Variants in ATXN8OS observed in about 807,000 individuals in gnomAD.
The protein encoded by ATXN8OS is ATXN8 opposite strand lncRNA.
intron 4 of ATXN8OS, among the ~76,000 whole-genome samples, chr13:70,166,360 G>A (rs533451644): frequency 2.4e-4 from 37 of 151,878 alleles, no homozygotes; most frequent in African/African-American, 7.7e-4. Flanking sequence ...GAAATAATCC[G>A]CATATCTACA....
chr13:70,157,150 A>T (rs1004870012), intron 4 of ATXN8OS, among the ~76,000 whole-genome samples: 1 of 152,158 alleles, frequency 6.6e-6, no homozygotes, highest in Non-Finnish European at 1.5e-5. Context: ...GCTCGTAACA[A>T]CATTATTTTA....
chr13:70,129,862 G>A, exon 3 of ATXN8OS: 1 of 398,430 alleles, frequency 2.5e-6, no homozygotes, highest in Non-Finnish European at 4.4e-6. Context: ...GAAGAGAATG[G>A]CTCAGAGTCA....
intron 2 of ATXN8OS, among the ~76,000 whole-genome samples, chr13:70,128,686 C>A (rs947596495): frequency 2.0e-5 from 3 of 152,008 alleles, no homozygotes; most frequent in Non-Finnish European, 4.4e-5. Context: ...TCCCATAATG[C>A]AAAATTTACT....
At chr13:70,130,378 G>T (rs988829558) in intron 3 of ATXN8OS, among the ~76,000 whole-genome samples, 1 of 152,080 alleles carries the variant, frequency 6.6e-6, no homozygotes, top group Non-Finnish European at 1.5e-5. Flanking sequence ...TTCACGTTTT[G>T]TAGAAATGAG....
At chr13:70,136,607 C>T (rs1483354492) in intron 3 of ATXN8OS, among the ~76,000 whole-genome samples, 1 of 151,890 alleles carries the variant, frequency 6.6e-6, no homozygotes, top group African/African-American at 2.4e-5. Flanking sequence ...TCATCAAGAC[C>T]GCTAGCAGGA....
intron 1 of ATXN8OS, among the ~76,000 whole-genome samples, chr13:70,113,489 T>C (rs1244640511): frequency 6.6e-6 from 1 of 152,146 alleles, no homozygotes; most frequent in East Asian, 1.9e-4. Context: ...AGTAATTTCA[T>C]TATTTTGTAT....
chr13:70,109,478 G>A (rs931396767), intron 1 of ATXN8OS, among the ~76,000 whole-genome samples: 6 of 152,250 alleles, frequency 3.9e-5, no homozygotes, highest in Middle Eastern at 3.4e-3. Flanking sequence ...TTACCCCCAA[G>A]GTTGAGCTGT....
At chr13:70,156,241 A>T (rs201058145) in intron 4 of ATXN8OS, among the ~76,000 whole-genome samples, 1 of 116,702 alleles carries the variant, frequency 8.6e-6, no homozygotes, top group East Asian at 2.4e-4. Context: ...ATGGGTGGGT[A>T]TGAGTGTGTG....
chr13:70,123,299 A>T (rs1888387491), intron 2 of ATXN8OS, among the ~76,000 whole-genome samples: 1 of 152,140 alleles, frequency 6.6e-6, no homozygotes, highest in Admixed American at 6.6e-5. Flanking sequence ...CTTTAATGGC[A>T]ATTTTAGATT....
intron 2 of ATXN8OS, among the ~76,000 whole-genome samples, chr13:70,129,202 G>C (rs1888490196): frequency 6.6e-6 from 1 of 152,068 alleles, no homozygotes; most frequent in African/African-American, 2.4e-5. Flanking sequence ...ATTATGTTTA[G>C]AAGAACAGAT....
chr13:70,165,479 A>G (rs1281624066), intron 4 of ATXN8OS, among the ~76,000 whole-genome samples: 1 of 152,038 alleles, frequency 6.6e-6, no homozygotes, highest in African/African-American at 2.4e-5. Flanking sequence ...TAATTTCAAT[A>G]AAAACTTGAA....
intron 3 of ATXN8OS, among the ~76,000 whole-genome samples, chr13:70,134,406 C>T (rs912861307): frequency 1.2e-4 from 18 of 152,126 alleles, no homozygotes; most frequent in African/African-American, 4.1e-4. Flanking sequence ...CTTCATAGCC[C>T]TAAATGCTGC....
At chr13:70,114,199 C>T (rs867337805) in intron 1 of ATXN8OS, among the ~76,000 whole-genome samples, 65 of 152,206 alleles carry the variant, frequency 4.3e-4, no homozygotes, top group African/African-American at 1.5e-3. Context: ...ATGCTTTTGG[C>T]TCACCAGTCC....
intron 3 of ATXN8OS, among the ~76,000 whole-genome samples, chr13:70,138,445 T>A (rs1888650524): frequency 6.6e-6 from 1 of 152,060 alleles, no homozygotes; most frequent in African/African-American, 2.4e-5. Context: ...ATGCAAAAAA[T>A]AGGTTCTATT....
chr13:70,144,546 G>T (rs1350993663), intron 3 of ATXN8OS, among the ~76,000 whole-genome samples: 4 of 152,008 alleles, frequency 2.6e-5, no homozygotes, highest in Admixed American at 2.6e-4. Context: ...ATGCAAATGG[G>T]ATACTTCTTT....
At chr13:70,158,668 A>C (rs1363846425) in intron 4 of ATXN8OS, among the ~76,000 whole-genome samples, 1 of 152,232 alleles carries the variant, frequency 6.6e-6, no homozygotes, top group Non-Finnish European at 1.5e-5. Flanking sequence ...ACTACAGTTT[A>C]GCATGAAAGA....
intron 4 of ATXN8OS, among the ~76,000 whole-genome samples, chr13:70,151,807 C>A (rs770850192): frequency 1.3e-5 from 2 of 151,994 alleles, no homozygotes; most frequent in Non-Finnish European, 2.9e-5. Flanking sequence ...AGAGTAATAA[C>A]GACCTGAATT....
intron 4 of ATXN8OS, among the ~76,000 whole-genome samples, chr13:70,159,096 A>G (rs538877747): frequency 7.9e-5 from 12 of 152,184 alleles, no homozygotes; most frequent in Admixed American, 3.9e-4. Flanking sequence ...TCATTACTAG[A>G]TAATACTATA....
chr13:70,119,058 T>G (rs971072438), intron 2 of ATXN8OS, among the ~76,000 whole-genome samples: 26 of 152,056 alleles, frequency 1.7e-4, no homozygotes, highest in African/African-American at 5.3e-4. Context: ...CTCAGCCCTG[T>G]GCAGTCAAGT....
Sources: allele counts gnomAD v4.1 joint callset (sites outside exome capture counted in the v4.1 genomes callset), GRCh38; gene constraint gnomAD v4.1.1; transcripts MANE v1.5; gene names NCBI Gene and HGNC (gene_info 2026-07-23, HGNC 2026-07-21).